PLEKHH2: variants seen among roughly 807,000 people sequenced by gnomAD.
PLEKHH2 encodes pleckstrin homology domain-containing family H member 2.
PLEKHH2 carries 129 observed loss-of-function variants against 187.9 expected under a neutral mutation model. The observed-to-expected ratio is 0.69, with a 90% CI of 0.59 to 0.79. The LOEUF is 0.79. Among genes scored for constraint, PLEKHH2 ranks in the 30% least tolerant of loss-of-function variants. The pLI is 0.00. For missense variants in PLEKHH2, 2,076 were observed against 1,751.2 expected (o/e 1.19, Z -3.31); for synonymous variants, 686 against 605.6 (o/e 1.13, Z -1.95).
At position 43,743,971 on chromosome 2, in the gene PLEKHH2, T is replaced by A. The variant is rs1324656026; in HGVS notation, c.3537T>A (p.Cys1179Ter). 2 of 1,613,746 alleles carry A rather than the reference T, an allele frequency of 1.2e-6. No homozygotes were observed. Among genetic ancestry groups the A allele is most frequent in the African/African-American group, 2.7e-5 (2 of 74,896 alleles). ...DDPSGRDLEH[C>*]LQGNIKICDI... ...CTTCTGGCAGAGATTTAGAGCATTG[T>A]CTTCAAGGAAACATCAAGGTGAAAC... Residue 1179 changes from cysteine (C) to a stop codon, truncating the protein, a stop_gained, in exon 23 of 30, where the codon TGT becomes TGA. Coordinates refer to ENST00000282406, the MANE Select transcript of PLEKHH2 (RefSeq NM_172069.4). LOFTEE classifies it high-confidence loss of function.
At chr2:43,711,215 C>G (rs1356423585) in intron 14 of PLEKHH2, 1 of 985,354 alleles carries the variant, frequency 1.0e-6, no homozygotes, top group African/African-American at 1.7e-5. Context: ...CCATTATTTT[C>G]TTATATTGCT....
chr2:43,748,478 G>A (rs1271966531), intron 24 of PLEKHH2, among the ~76,000 whole-genome samples: 4 of 152,288 alleles, frequency 2.6e-5, no homozygotes, highest in South Asian at 2.1e-4. Flanking sequence ...AGTTCCCAAC[G>A]TGGGCCCAAC....
At chr2:43,673,382 A>G (rs1241619520) in intron 2 of PLEKHH2, among the ~76,000 whole-genome samples, 1 of 152,192 alleles carries the variant, frequency 6.6e-6, no homozygotes, top group African/African-American at 2.4e-5. Flanking sequence ...ATAACACTAC[A>G]ACTGCTACCA....
At chr2:43,675,325 G>T in intron 2 of PLEKHH2, 1 of 1,302,202 alleles carries the variant, frequency 7.7e-7, no homozygotes, top group Non-Finnish European at 1.0e-6. Context: ...ATTTGGACTA[G>T]CCACATTTCA....
intron 3 of PLEKHH2, among the ~76,000 whole-genome samples, chr2:43,681,881 A>C (rs12053410): frequency 0.17 from 25,623 of 152,220 alleles, 2,376 homozygotes; most frequent in Middle Eastern, 0.3. Context: ...ATTTCTAAAT[A>C]AGCCCAATGT....
chr2:43,717,757 C>T (rs61538998), intron 15 of PLEKHH2, among the ~76,000 whole-genome samples: 16,986 of 152,274 alleles, frequency 0.11, 1,262 homozygotes, highest in Middle Eastern at 0.26. Flanking sequence ...AAGTTACTTA[C>T]AGGCTCTGTG....
chr2:43,742,167 A>G (rs572532412), intron 21 of PLEKHH2, among the ~76,000 whole-genome samples: 2 of 151,818 alleles, frequency 1.3e-5, no homozygotes, highest in Non-Finnish European at 2.9e-5. Flanking sequence ...CCCCCGGCTA[A>G]TTTTTTGTAT....
At position 43,712,565 on chromosome 2, in the gene PLEKHH2, T is replaced by A. The variant is rs537211333; in HGVS notation, c.2460+182T>A. Among the ~76,000 whole-genome samples the A allele has an allele frequency of 2.6e-5, 4 of 152,298 alleles. No individual in the cohort carries two copies. The South Asian group carries it at 8.3e-4, about 32-fold the overall frequency. ...CTATAAAGATGAAAAGAAGACAAAT[T>A]TGACTATAATATGTAAAAATGTAAA... is the stretch of plus-strand genomic sequence containing the variant. On this transcript the variant is annotated intron_variant, in intron 15 of 29. Coordinates refer to ENST00000282406, the MANE Select transcript of PLEKHH2 (RefSeq NM_172069.4).
intron 20 of PLEKHH2, among the ~76,000 whole-genome samples, chr2:43,739,304 A>T (rs78239319): frequency 6.6e-6 from 1 of 152,224 alleles, no homozygotes; most frequent in Non-Finnish European, 1.5e-5. Flanking sequence ...GCAAAAAAAA[A>T]TATTTCACTA....
intron 9 of PLEKHH2, among the ~76,000 whole-genome samples, chr2:43,705,821 T>C (rs1290035858): frequency 6.6e-6 from 1 of 151,090 alleles, no homozygotes; most frequent in Admixed American, 6.6e-5. Flanking sequence ...GTTGCCCAGG[T>C]TGGTCTCAAA....
chr2:43,680,347 A>T (rs909120699), intron 3 of PLEKHH2: 2 of 146,614 alleles, frequency 1.4e-5, no homozygotes, highest in Admixed American at 1.4e-4. Context: ...TGATTTGATC[A>T]TTACACATTG....
intron 2 of PLEKHH2, among the ~76,000 whole-genome samples, chr2:43,651,594 A>T (rs1180648345): frequency 6.6e-6 from 1 of 151,992 alleles, no homozygotes. Context: ...TGGGACTCTG[A>T]TTTTCATATA....
intron 14 of PLEKHH2, 173 bp from the exon 15 acceptor site, chr2:43,712,052 A>T: frequency 3.1e-6 from 4 of 1,280,368 alleles, no homozygotes; most frequent in Non-Finnish European, 3.1e-6. Flanking sequence ...AATTCTCACA[A>T]AGTGGTTAAA....
chr2:43,695,908 A>T (rs1572571745), intron 6 of PLEKHH2, among the ~76,000 whole-genome samples: 1 of 152,108 alleles, frequency 6.6e-6, no homozygotes, highest in African/African-American at 2.4e-5. Context: ...ACATTATTGA[A>T]CTTGGCATTA....
rs761780414 is a variant in PLEKHH2, at chr2:43,710,052, A to G, written c.2029A>G (p.Thr677Ala). ...DYAIPPDAYSTDTEYSQPEQK... is the reference protein window; with the variant it reads ...DYAIPPDAYSADTEYSQPEQK... Reference sequence around the variant, plus strand: ...TGCTATTCCTCCTGATGCTTACTCCACAGACACGGAGTACTCACAGCCAGA... The same window carrying G: ...TGCTATTCCTCCTGATGCTTACTCCGCAGACACGGAGTACTCACAGCCAGA... Residue 677 changes from threonine to alanine, a missense_variant, in exon 12 of 30, where the codon ACA (threonine) becomes GCA (alanine). Thr to Ala is a moderately conservative substitution (Grantham distance 58). Transcript: ENST00000282406. The G allele has an allele frequency of 1.9e-6, 3 of 1,612,304 alleles. No individual in the cohort carries two copies. Among genetic ancestry groups the G allele is most frequent in the South Asian group, 1.1e-5 (1 of 91,040 alleles).
At chr2:43,702,147 C>A (rs954823749) in intron 8 of PLEKHH2, among the ~76,000 whole-genome samples, 3 of 152,202 alleles carry the variant, frequency 2.0e-5, no homozygotes, top group African/African-American at 7.2e-5. Context: ...AGAGAAACAT[C>A]TGGGTTGCAG....
At chr2:43,717,728 C>A (rs59030607) in intron 15 of PLEKHH2, among the ~76,000 whole-genome samples, 29,965 of 152,106 alleles carry the variant, frequency 0.2, 3,321 homozygotes, top group Middle Eastern at 0.3. Flanking sequence ...TGCCACTTAC[C>A]ACCTGTGTGA....
Position 43,712,229 on chromosome 2 carries a change from C to T in PLEKHH2, c.2306C>T (p.Thr769Ile). Reference protein sequence around the residue: ...RGDNKQTVQLTTEKHTYYLTA... With the variant: ...RGDNKQTVQLITEKHTYYLTA... ...ACCTTTCTCGTTGCATTCTAGTTGA[C>T]CACTGAAAAACACACATACTATCTG... The change falls in exon 15 of 30, where the codon ACC (threonine) becomes ATC (isoleucine). Residue 769 changes from threonine (T) to isoleucine (I), a missense_variant. Transcript: ENST00000282406. 1.2e-6 allele frequency: 2 copies of T among 1,612,208 alleles called. No homozygotes were observed. Among genetic ancestry groups the T allele is most frequent in the East Asian group, 2.2e-5 (1 of 44,840 alleles).
intron 19 of PLEKHH2, 34 bp from the exon 20 acceptor site, chr2:43,738,307 T>G: frequency 6.5e-7 from 1 of 1,549,784 alleles, no homozygotes; most frequent in Non-Finnish European, 8.8e-7. Context: ...TAATCACTCC[T>G]CACCTTGAAT....
Sources: allele counts gnomAD v4.1 joint callset (sites outside exome capture counted in the v4.1 genomes callset), GRCh38; gene constraint gnomAD v4.1.1; transcripts MANE v1.5; gene names NCBI Gene and HGNC (gene_info 2026-07-23, HGNC 2026-07-21).